GRIK4: variants seen among roughly 807,000 people sequenced by gnomAD.
GRIK4 encodes the protein glutamate receptor ionotropic, kainate 4.
Under a neutral mutation model 104.9 loss-of-function variants are expected in GRIK4, and 40 were observed. That is an observed-to-expected ratio of 0.38 (90% confidence interval 0.30 to 0.50). The LOEUF (loss-of-function observed/expected upper bound fraction) is 0.50. Ranked by LOEUF, GRIK4 falls within the 20% of genes least tolerant of loss-of-function variation. The pLI is 0.93. For synonymous variants in GRIK4, 485 were observed against 524.9 expected (o/e 0.92, Z 1.04); for missense variants, 1,047 against 1,308.1 (o/e 0.80, Z 3.08).
intron 3 of GRIK4, among the ~76,000 whole-genome samples, chr11:120,787,424 G>GTTATT (rs372142776): frequency 0.015 from 2,321 of 151,440 alleles, 22 homozygotes; most frequent in Middle Eastern, 0.017. Context: ...TTCTTTTGAT[G>GTTATT]TTATTTTATT....
At chr11:120,665,171 T>C (rs1484795278) in intron 3 of GRIK4, among the ~76,000 whole-genome samples, 1 of 152,146 alleles carries the variant, frequency 6.6e-6, no homozygotes, top group East Asian at 1.9e-4. Context: ...CCTGTTATGC[T>C]GTGTATTAAA....
intron 1 of GRIK4, among the ~76,000 whole-genome samples, chr11:120,640,177 C>T (rs888105104): frequency 2.0e-5 from 3 of 152,166 alleles, no homozygotes; most frequent in Non-Finnish European, 2.9e-5. Context: ...ACAGTTGTTG[C>T]CAGGAATTTG....
At chr11:120,695,633 G>A (rs946183112) in intron 3 of GRIK4, among the ~76,000 whole-genome samples, 1 of 148,400 alleles carries the variant, frequency 6.7e-6, no homozygotes, top group Non-Finnish European at 1.5e-5. Flanking sequence ...CGGCCGCCAC[G>A]GGTGGGAGGC....
At chr11:120,529,137 AC>A (rs145461633) in intron 1 of GRIK4, among the ~76,000 whole-genome samples, 2,302 of 149,994 alleles carry the variant, frequency 0.015, 53 homozygotes, top group African/African-American at 0.053. Context: ...CCCCACCCCG[AC>A]CCTCATGTGC....
At chr11:120,596,648 C>T (rs1406169530) in intron 1 of GRIK4, among the ~76,000 whole-genome samples, 1 of 152,016 alleles carries the variant, frequency 6.6e-6, no homozygotes, top group Non-Finnish European at 1.5e-5. Flanking sequence ...GAAGGGGCCA[C>T]ACTGGAGAAG....
In GRIK4 at chr11:120,831,838, T is replaced by C; in HGVS notation, c.512-14T>C. The C allele has an allele frequency of 6.2e-7, 1 of 1,606,602 alleles. No homozygotes were observed. Reference sequence around the variant, plus strand: ...CTGTGGACCCTCAGGGGCTTCATCCTCTCTCCCCTCCAGGCCTTTTAAACC... The same window carrying C: ...CTGTGGACCCTCAGGGGCTTCATCCCCTCTCCCCTCCAGGCCTTTTAAACC... On this transcript the variant is annotated splice_polypyrimidine_tract_variant and intron_variant, in intron 6 of 20. Transcript: ENST00000527524.
intron 1 of GRIK4, among the ~76,000 whole-genome samples, chr11:120,611,752 G>C (rs1949041337): frequency 6.6e-6 from 1 of 152,174 alleles, no homozygotes; most frequent in Admixed American, 6.5e-5. Flanking sequence ...TAAGCTCGGT[G>C]GGGGCGGAGA....
At chr11:120,598,848 T>C (rs1310863841) in intron 1 of GRIK4, among the ~76,000 whole-genome samples, 1 of 152,240 alleles carries the variant, frequency 6.6e-6, no homozygotes, top group Non-Finnish European at 1.5e-5. Context: ...TAAGTACTTT[T>C]TACATCCTCT....
intron 19 of GRIK4, among the ~76,000 whole-genome samples, chr11:120,975,018 G>A (rs1402237967): frequency 2.0e-5 from 3 of 152,226 alleles, no homozygotes; most frequent in Admixed American, 2.0e-4. Context: ...CAAAAAGGTG[G>A]TCGGTGAACT....
chr11:120,777,073 G>A (rs1022325086), intron 3 of GRIK4, among the ~76,000 whole-genome samples: 5 of 152,152 alleles, frequency 3.3e-5, no homozygotes, highest in African/African-American at 9.7e-5. Context: ...TGTGCTGCTC[G>A]GGTGATGTAG....
chr11:120,979,838 T>C (rs1243581496), intron 19 of GRIK4, among the ~76,000 whole-genome samples: 1 of 152,132 alleles, frequency 6.6e-6, no homozygotes, highest in Non-Finnish European at 1.5e-5. Context: ...TGTTTTCTTT[T>C]GTTTTTGTTT....
At chr11:120,600,800 T>C (rs1263803303) in intron 1 of GRIK4, among the ~76,000 whole-genome samples, 3 of 152,218 alleles carry the variant, frequency 2.0e-5, no homozygotes, top group Admixed American at 2.0e-4. Flanking sequence ...TGGTGGCTCA[T>C]GCCTGTAATC....
intron 3 of GRIK4, among the ~76,000 whole-genome samples, chr11:120,721,754 C>T (rs1439221176): frequency 6.6e-6 from 1 of 152,114 alleles, no homozygotes; most frequent in Non-Finnish European, 1.5e-5. Flanking sequence ...TTGGTTTGTT[C>T]TCAGAAAATG....
chr11:120,695,291 C>A (rs959089868), intron 3 of GRIK4, among the ~76,000 whole-genome samples: 1 of 152,250 alleles, frequency 6.6e-6, no homozygotes, highest in African/African-American at 2.4e-5. Context: ...CCCAAGCTCT[C>A]TTCCAGCCCA....
chr11:120,986,032 G>A lies in GRIK4; in HGVS notation c.2643G>A (p.Pro881=), dbSNP rs1439311349. ...CCCCCATCCCCGAGGAGCGCCGACC[G>A]CGGGGCACGGCGACGCTCAGCAACG... is the stretch of plus-strand genomic sequence containing the variant. ...PRPPIPEERR[P]RGTATLSNGK... Residue 881 remains proline (P), a synonymous_variant, in exon 21 of 21, where the codon CCG becomes CCA. Transcript: ENST00000527524. The A allele has an allele frequency of 1.3e-6, 2 of 1,523,114 alleles. No homozygotes were observed. The highest frequency in any genetic ancestry group is 2.6e-5 in the East Asian group (1 of 38,178). The allele number at this position is 1,523,114 out of a possible 1,614,324, so 94.3% of individuals were successfully genotyped here. A position where few individuals can be genotyped will look rare whatever the true frequency, so the allele number is the denominator to read the frequency against.
intron 2 of GRIK4, among the ~76,000 whole-genome samples, chr11:120,659,122 C>T (rs1446490906): frequency 1.3e-5 from 2 of 152,072 alleles, no homozygotes; most frequent in Non-Finnish European, 2.9e-5. Context: ...CGCACCCTCA[C>T]CCCAGTGAAG....
At chr11:120,812,664 AG>A (rs1416037023) in intron 4 of GRIK4, among the ~76,000 whole-genome samples, 1 of 152,228 alleles carries the variant, frequency 6.6e-6, no homozygotes, top group Non-Finnish European at 1.5e-5. Flanking sequence ...GAAACTAGTA[AG>A]TGACAGAGAC....
In GRIK4 at chr11:120,875,230, A is replaced by G. The variant is rs1954750655; in HGVS notation, c.1151A>G (p.Asn384Ser). Residue 384 changes from asparagine (N) to serine (S), a missense_variant, in exon 11 of 21, where the codon AAT becomes AGT. Physicochemically the swap from Asn to Ser is conservative, Grantham distance 46. Around this residue, in one of 3 missense-constraint regions of GRIK4, gnomAD observed 447 missense variants for 514.9 expected, o/e 0.87. Transcript: ENST00000527524. ...YALKILQFTRNGFRQIGQWHV... is the reference protein window; with the variant it reads ...YALKILQFTRSGFRQIGQWHV... ...TTGAAAATCTTACAGTTCACAAGGAATGGTTTTCGGCAGGTAAGCCTAGCT... is the reference window on the plus strand; with the variant it reads ...TTGAAAATCTTACAGTTCACAAGGAGTGGTTTTCGGCAGGTAAGCCTAGCT... 6 of 1,610,740 alleles carry G rather than the reference A, an allele frequency of 3.7e-6. No homozygotes were observed. The highest frequency in any genetic ancestry group is 2.2e-5 in the East Asian group (1 of 44,884).
At chr11:120,688,000 T>C (rs1231446587) in intron 3 of GRIK4, among the ~76,000 whole-genome samples, 1 of 152,190 alleles carries the variant, frequency 6.6e-6, no homozygotes, top group Non-Finnish European at 1.5e-5. Flanking sequence ...TTGAGGACCC[T>C]CAAGTCCTTA....
Sources: gnomAD v4.1 joint callset for allele counts (sites outside exome capture counted in the v4.1 genomes callset) on GRCh38, gnomAD v4.1.1 for gene constraint, gnomAD v4.1.1 regional missense constraint, MANE v1.5 for transcripts, NCBI Gene and HGNC (gene_info 2026-07-23, HGNC 2026-07-21) for gene names.